Variants in MOCS1 observed in about 807,000 individuals in gnomAD.
MOCS1 encodes molybdenum cofactor biosynthesis protein 1.
Under a neutral mutation model 57.6 loss-of-function variants are expected in MOCS1, and 39 were observed. The ratio of observed to expected loss-of-function variants is 0.68; its 90% CI spans 0.52 to 0.88. MOCS1 has a LOEUF of 0.88. Ranked by LOEUF, MOCS1 falls within the 40% of genes least tolerant of loss-of-function variation. The pLI is 0.00. For synonymous variants in MOCS1, 334 were observed against 335.7 expected (o/e 1.00, Z 0.05); for missense variants, 795 against 831.1 (o/e 0.96, Z 0.53).
At chr6:39,926,228 G>C (rs1050710614) in intron 2 of MOCS1, among the ~76,000 whole-genome samples, 26 of 152,276 alleles carry the variant, frequency 1.7e-4, no homozygotes, top group African/African-American at 6.3e-4. Context: ...CATTTCACTG[G>C]CTATGGCAAA....
At chr6:39,923,149 C>G (rs1768072204) in intron 3 of MOCS1, among the ~76,000 whole-genome samples, 1 of 152,178 alleles carries the variant, frequency 6.6e-6, no homozygotes, top group African/African-American at 2.4e-5. Context: ...GGAGGTAAAT[C>G]CTCAGAAGCA....
chr6:39,928,538 T>A (rs1157571354), intron 1 of MOCS1, among the ~76,000 whole-genome samples: 2 of 151,950 alleles, frequency 1.3e-5, no homozygotes, highest in Non-Finnish European at 2.9e-5. Context: ...ACAACTAGGG[T>A]GGGTAGAAGT....
chr6:39,925,029 G>A (rs868298190), intron 3 of MOCS1, among the ~76,000 whole-genome samples: 10 of 152,282 alleles, frequency 6.6e-5, no homozygotes, highest in Middle Eastern at 3.4e-3. Flanking sequence ...GCAGTGAGCC[G>A]AGATCCTGCC....
At chr6:39,914,562 C>T (rs1767543548) in intron 4 of MOCS1, among the ~76,000 whole-genome samples, 1 of 152,194 alleles carries the variant, frequency 6.6e-6, no homozygotes, top group Non-Finnish European at 1.5e-5. Flanking sequence ...TTCTCTCATG[C>T]ATCCAATCAC....
At chr6:39,924,346 G>A (rs995700699) in intron 3 of MOCS1, among the ~76,000 whole-genome samples, 9 of 152,170 alleles carry the variant, frequency 5.9e-5, no homozygotes, top group Non-Finnish European at 1.2e-4. Context: ...CGAATTTCAG[G>A]GAGCATCAAC....
chr6:39,932,521 C>G (rs988722528), intron 1 of MOCS1: 22 of 152,356 alleles, frequency 1.4e-4, no homozygotes, highest in African/African-American at 5.0e-4. Flanking sequence ...TTTCAAGCAG[C>G]TACAATTATT....
At chr6:39,919,402 C>T (rs1390378119) in intron 3 of MOCS1, among the ~76,000 whole-genome samples, 2 of 152,118 alleles carry the variant, frequency 1.3e-5, no homozygotes, top group South Asian at 2.1e-4. Flanking sequence ...GCAGGAGAAT[C>T]GCTTGAACCC....
intron 1 of MOCS1, 183 bp from the exon 2 acceptor site, chr6:39,927,638 G>A: frequency 6.3e-7 from 1 of 1,589,950 alleles, no homozygotes. Flanking sequence ...AAATCAGCTT[G>A]ATGGGAAGGA....
intron 3 of MOCS1, among the ~76,000 whole-genome samples, chr6:39,922,060 T>C (rs114571946): frequency 0.013 from 1,932 of 152,252 alleles, 31 homozygotes; most frequent in African/African-American, 0.043. Context: ...CCCTGCAAAC[T>C]CCTCCAACAC....
chr6:39,931,356 GT>G (rs1322222970), intron 1 of MOCS1, among the ~76,000 whole-genome samples: 1 of 151,310 alleles, frequency 6.6e-6, no homozygotes, highest in Non-Finnish European at 1.5e-5. Context: ...GAGCAGCAGG[GT>G]TATTCGAGAG....
Position 39,912,289 on chromosome 6 carries a change from C to T in MOCS1, c.956G>A (p.Arg319Gln), listed in dbSNP as rs104893969. 3.3e-5 allele frequency: 54 copies of T among 1,613,018 alleles called. No individual in the cohort carries two copies. The highest frequency in any genetic ancestry group is 2.6e-4 in the South Asian group (24 of 91,024). Residue 319 changes from arginine to glutamine, a missense_variant, in exon 8 of 11, where the codon CGA becomes CAA. This residue lies in a region of MOCS1 where 374 missense variants were observed against 422.6 expected (regional missense o/e 0.89). Transcript: ENST00000340692. ...CTTGAGGTTCCCATCAGCTGTGATT[C>T]GCAGGCGGTTGCAGGTCCCACAGAA... ...EHFCGTCNRL[R>Q]ITADGNLKVC...
chr6:39,933,148 C>T (rs907121911), intron 1 of MOCS1, among the ~76,000 whole-genome samples: 1 of 152,304 alleles, frequency 6.6e-6, no homozygotes, highest in African/African-American at 2.4e-5. Flanking sequence ...CTCTACTCAC[C>T]TCACATGGCT....
intron 2 of MOCS1, among the ~76,000 whole-genome samples, chr6:39,926,489 T>C (rs1381065311): frequency 6.6e-6 from 1 of 151,394 alleles, no homozygotes; most frequent in Non-Finnish European, 1.5e-5. Context: ...CTTCCTGTGG[T>C]GCAGTTTCAT....
intron 3 of MOCS1, among the ~76,000 whole-genome samples, chr6:39,919,705 A>ATGT (rs1390890610): frequency 6.6e-6 from 1 of 152,202 alleles, no homozygotes; most frequent in Non-Finnish European, 1.5e-5. Flanking sequence ...ACAAAGTAGA[A>ATGT]CTTGAAACAG....
Position 39,914,084 on chromosome 6 carries a change from T to A in MOCS1, c.584-249A>T, listed in dbSNP as rs547150555. Among the ~76,000 whole-genome samples the A allele has an allele frequency of 6.4e-4, 98 of 152,354 alleles. No homozygotes were observed. In the Middle Eastern group the frequency reaches 0.014, roughly 21 times the overall value. On this transcript the variant is annotated intron_variant, in intron 4 of 10. Coordinates refer to ENST00000340692, the MANE Select transcript of MOCS1 (RefSeq NM_001358530.2). ...TGACTACAGTGTCTTGTAAAACAGA[T>A]CTACAAATGGGATACAATAATGCGA...
intron 1 of MOCS1, 69 bp downstream of exon 1, chr6:39,934,226 G>A: frequency 2.1e-6 from 3 of 1,462,788 alleles, no homozygotes; most frequent in Non-Finnish European, 2.7e-6. Flanking sequence ...GAGCTACTGG[G>A]GGAAAAGGGC....
At position 39,913,444 on chromosome 6, in the gene MOCS1, T is replaced by C; in HGVS notation, c.646-16A>G. The C allele has an allele frequency of 6.2e-7, 1 of 1,608,872 alleles. No individual in the cohort carries two copies. The highest frequency in any genetic ancestry group is 1.1e-5 in the South Asian group (1 of 90,964). ...CACAGTTCACCTGGCCGGGGAACAATGGGACCATGAGGGCTGTGCCCCCTG... is the reference window on the plus strand; with the variant it reads ...CACAGTTCACCTGGCCGGGGAACAACGGGACCATGAGGGCTGTGCCCCCTG... On this transcript the variant is annotated splice_polypyrimidine_tract_variant and intron_variant, in intron 5 of 10. Transcript: ENST00000340692.
At chr6:39,908,130 A>G (rs73414860) in intron 10 of MOCS1, among the ~76,000 whole-genome samples, 6,531 of 152,232 alleles carry the variant, frequency 0.043, 293 homozygotes, top group African/African-American at 0.11. Flanking sequence ...TCCCAGTGGC[A>G]AGCTACCTTT....
At chr6:39,913,530 AC>A in intron 5 of MOCS1, 102 bp from the exon 6 acceptor site, 3 of 1,067,518 alleles carry the variant, frequency 2.8e-6, no homozygotes, top group Admixed American at 1.9e-5. Context: ...CCACTCAGGG[AC>A]CCATTCCTTG....
Sources: allele counts gnomAD v4.1 joint callset (sites outside exome capture counted in the v4.1 genomes callset), GRCh38; gene constraint gnomAD v4.1.1; regional missense constraint gnomAD v4.1.1; transcripts MANE v1.5; gene names NCBI Gene and HGNC (gene_info 2026-07-23, HGNC 2026-07-21).